The following FAT3 variants were observed in gnomAD, a reference collection of about 807,000 sequenced individuals.
FAT3 encodes FAT atypical cadherin 3.
Under a neutral mutation model 310.2 loss-of-function variants are expected in FAT3, and 95 were observed. The observed-to-expected ratio is 0.31, with a 90% CI of 0.26 to 0.36. The LOEUF (loss-of-function observed/expected upper bound fraction) is 0.36, where lower values mean the gene tolerates loss of function less well. Ranked by LOEUF, FAT3 falls within the 10% of genes least tolerant of loss-of-function variation. The pLI, the probability that FAT3 is intolerant of heterozygous loss-of-function variation, is 1.00. For missense variants in FAT3, 5,408 were observed against 5,715.6 expected (o/e 0.95, Z 1.74); for synonymous variants, 2,314 against 2,192.9 (o/e 1.06, Z -1.54).
At chr11:92,501,668 C>CT (rs1466082517) in intron 2 of FAT3, among the ~76,000 whole-genome samples, 1 of 151,800 alleles carries the variant, frequency 6.6e-6, no homozygotes, top group African/African-American at 2.4e-5. Flanking sequence ...TTTTGTTGGG[C>CT]TTTTTTCTAA....
At chr11:92,550,726 C>T (rs184690994) in intron 3 of FAT3, among the ~76,000 whole-genome samples, 291 of 150,522 alleles carry the variant, frequency 1.9e-3, no homozygotes, top group African/African-American at 6.8e-3. Context: ...AAAGCTAGGA[C>T]TTTTAGAATT....
intron 2 of FAT3, among the ~76,000 whole-genome samples, chr11:92,445,493 T>A (rs1005729730): frequency 4.9e-4 from 75 of 152,276 alleles, no homozygotes; most frequent in Non-Finnish European, 9.4e-4. Flanking sequence ...ACTGTCTGGC[T>A]TGTTGAAGCA....
At chr11:92,506,597 A>G (rs1290091897) in intron 2 of FAT3, among the ~76,000 whole-genome samples, 1 of 152,204 alleles carries the variant, frequency 6.6e-6, no homozygotes, top group Non-Finnish European at 1.5e-5. Flanking sequence ...TTTTCACAGA[A>G]GTCCAGATTT....
At chr11:92,795,999 G>A (rs553252201) in intron 9 of FAT3, among the ~76,000 whole-genome samples, 3 of 151,998 alleles carry the variant, frequency 2.0e-5, no homozygotes, top group East Asian at 3.9e-4. Flanking sequence ...GAAATCTGCC[G>A]GGTGTGGAGT....
intron 20 of FAT3, among the ~76,000 whole-genome samples, chr11:92,858,439 T>C (rs1949037797): frequency 6.6e-6 from 1 of 152,184 alleles, no homozygotes; most frequent in African/African-American, 2.4e-5. Flanking sequence ...CTTCTGATTG[T>C]CTATAATTAT....
chr11:92,345,938 CTCAGTATTTCATTATATA>C (rs1948405371), intron 1 of FAT3, among the ~76,000 whole-genome samples: 2 of 152,086 alleles, frequency 1.3e-5, no homozygotes, highest in African/African-American at 4.8e-5. Flanking sequence ...ATGGCTTTGG[CTCAGTATTTCATTATATA>C]ATGTGAATAA....
rs767660584 is a variant in FAT3, at chr11:92,800,028, A to T, written c.7015A>T (p.Ile2339Leu). The T allele has an allele frequency of 1.2e-6, 2 of 1,613,994 alleles. No individual in the cohort carries two copies. Among genetic ancestry groups the T allele is most frequent in the African/African-American group, 1.3e-5 (1 of 75,062 alleles). The change falls in exon 10 of 28, where the codon ATA (isoleucine) becomes TTA (leucine). Residue 2339 changes from isoleucine (I) to leucine (L), a missense_variant. By Grantham distance (5) the Ile-to-Leu change is conservative (BLOSUM62 2). Coordinates refer to ENST00000525166, the MANE Select transcript of FAT3 (RefSeq NM_001367949.2). ...CTACAATAGCACAGATTATTTTCAC[A>T]TAGATAGCTCAAGTGGCTTAATCCT... Reference protein sequence around the residue: ...DTYNSTDYFHIDSSSGLILTA... With the variant: ...DTYNSTDYFHLDSSSGLILTA...
chr11:92,891,185 A>G lies in FAT3; in HGVS notation c.*72A>G. 1 of 1,553,492 alleles carries G rather than the reference A, an allele frequency of 6.4e-7. No individual in the cohort carries two copies. The highest frequency in any genetic ancestry group is 1.3e-5 in the African/African-American group (1 of 74,100). ...AGCAGATTGGCTGGGCTTCTGTCCC[A>G]GTGGAGCATTGTCTGTGGAATGAGA... On this transcript the variant is annotated 3_prime_UTR_variant, in exon 28 of 28. Transcript: ENST00000525166.
chr11:92,458,889 C>T (rs1461270406), intron 2 of FAT3, among the ~76,000 whole-genome samples: 1 of 152,150 alleles, frequency 6.6e-6, no homozygotes, highest in African/African-American at 2.4e-5. Context: ...CAGCAGAATT[C>T]ACTAACCAGC....
chr11:92,425,363 C>T (rs1157315558), intron 2 of FAT3, among the ~76,000 whole-genome samples: 10 of 151,900 alleles, frequency 6.6e-5, no homozygotes, highest in Admixed American at 6.6e-4. Flanking sequence ...TGCAAAGTAG[C>T]AACAAAAAGC....
At chr11:92,598,481 G>T (rs543242101) in intron 3 of FAT3, among the ~76,000 whole-genome samples, 24 of 152,120 alleles carry the variant, frequency 1.6e-4, no homozygotes, top group African/African-American at 5.5e-4. Context: ...CAAAGTGTTT[G>T]GATTACAGGT....
intron 1 of FAT3, among the ~76,000 whole-genome samples, chr11:92,251,352 T>C (rs1865132997): frequency 1.3e-5 from 2 of 152,268 alleles, no homozygotes; most frequent in Admixed American, 6.5e-5. Flanking sequence ...AACTATGGTG[T>C]AAGTAATGTT....
intron 2 of FAT3, among the ~76,000 whole-genome samples, chr11:92,430,474 T>A (rs986567807): frequency 1.3e-5 from 2 of 152,156 alleles, no homozygotes; most frequent in African/African-American, 4.8e-5. Flanking sequence ...TGGATTTGTC[T>A]ACCTTTGGTC....
intron 3 of FAT3, among the ~76,000 whole-genome samples, chr11:92,647,276 G>T (rs1338475811): frequency 1.3e-5 from 2 of 152,228 alleles, no homozygotes; most frequent in African/African-American, 2.4e-5. Flanking sequence ...ATAAAAGTTT[G>T]ATCTTTATTT....
chr11:92,320,068 A>G (rs1947570100), intron 1 of FAT3, among the ~76,000 whole-genome samples: 1 of 152,214 alleles, frequency 6.6e-6, no homozygotes, highest in Admixed American at 6.5e-5. Flanking sequence ...CATCATAATC[A>G]CAAAGTCCTG....
Position 92,795,072 on chromosome 11 carries a change from G to A in FAT3, c.4822+2095G>A, listed in dbSNP as rs556217634. On this transcript the variant is annotated intron_variant, in intron 9 of 27. Coordinates refer to ENST00000525166, the MANE Select transcript of FAT3 (RefSeq NM_001367949.2). ...CCTGCCTGTCCTCTAAAGTAACTAC[G>A]GAAGCTTTTTATTTTGGCCTGAAGG... is the stretch of plus-strand genomic sequence containing the variant. 1.1e-4 allele frequency among the ~76,000 whole-genome samples: 16 copies of A among 152,190 alleles called. No individual in the cohort carries two copies. In the East Asian group the frequency reaches 1.7e-3, roughly 17 times the overall value.
At chr11:92,555,038 T>G (rs1954968542) in intron 3 of FAT3, among the ~76,000 whole-genome samples, 1 of 149,238 alleles carries the variant, frequency 6.7e-6, no homozygotes, top group Admixed American at 6.7e-5. Flanking sequence ...TTCAATCCTA[T>G]GGTCATGACA....
chr11:92,239,670 G>A (rs987292586), intron 1 of FAT3, among the ~76,000 whole-genome samples: 1 of 152,114 alleles, frequency 6.6e-6, no homozygotes, highest in Non-Finnish European at 1.5e-5. Context: ...AGTTCCCTAT[G>A]GCTGTGCTTG....
In FAT3 at chr11:92,412,746, A is replaced by ATACACACACATATATATAT. The variant is rs1591252852; in HGVS notation, c.3292+57342_3292+57343insTACACACACATATATATAT. 6.1e-4 allele frequency among the ~76,000 whole-genome samples: 11 copies of ATACACACACATATATATAT among 18,068 alleles called. 2 individuals carry two copies. The South Asian group carries it at 7.3e-3, about 12-fold the overall frequency. 11.9% of individuals were successfully genotyped at this position (18,068 alleles called of 152,430 possible). The stretch of plus-strand genomic sequence containing the variant: ...ATATATATATATATATATATATATA[A>ATACACACACATATATATAT]ATATACATACATATATATATATTTA... On this transcript the variant is annotated intron_variant, in intron 2 of 27. Coordinates refer to ENST00000525166, the MANE Select transcript of FAT3 (RefSeq NM_001367949.2).
Sources: allele counts gnomAD v4.1 joint callset (sites outside exome capture counted in the v4.1 genomes callset), GRCh38; gene constraint gnomAD v4.1.1; transcripts MANE v1.5; gene names NCBI Gene and HGNC (gene_info 2026-07-23, HGNC 2026-07-21).